The following TUSC3 variants were observed in gnomAD, a reference collection of about 807,000 sequenced individuals.
TUSC3 encodes the protein tumor suppressor candidate 3.
TUSC3 carries 45 observed loss-of-function variants against 44.8 expected under a neutral mutation model. That is an observed-to-expected ratio of 1.00 (90% confidence interval 0.79 to 1.29). The LOEUF is 1.29. Ranked by LOEUF, TUSC3 falls within the 50% of genes most tolerant of loss-of-function variation. The pLI is 0.00. For synonymous variants in TUSC3, 212 were observed against 152.9 expected (o/e 1.39, Z -2.85); for missense variants, 519 against 437.9 (o/e 1.19, Z -1.65).
intron 6 of TUSC3, among the ~76,000 whole-genome samples, chr8:15,708,844 A>G (rs1809723551): frequency 6.6e-6 from 1 of 151,936 alleles, no homozygotes; most frequent in African/African-American, 2.4e-5. Flanking sequence ...TGTAAACTTG[A>G]TGATTCTGAC....
chr8:15,772,412 A>C, the TUSC3 span, among the ~76,000 whole-genome samples: 1 of 151,350 alleles, frequency 6.6e-6, no homozygotes, highest in African/African-American at 2.5e-5. Flanking sequence ...ACCAAAAGTT[A>C]AATAACCTAA....
chr8:15,426,258 A>C (rs1260231166), intron 1 of TUSC3, among the ~76,000 whole-genome samples: 1 of 152,210 alleles, frequency 6.6e-6, no homozygotes, highest in African/African-American at 2.4e-5. Context: ...TGAAAAGAAC[A>C]CCTAACATAA....
chr8:15,584,627 A>G (rs1329935981), intron 1 of TUSC3, among the ~76,000 whole-genome samples: 2 of 152,124 alleles, frequency 1.3e-5, no homozygotes, highest in South Asian at 2.1e-4. Context: ...AATTGAGTCA[A>G]TACAGTTTTG....
intron 1 of TUSC3, among the ~76,000 whole-genome samples, chr8:15,457,836 T>G (rs1432602619): frequency 7.0e-6 from 1 of 143,416 alleles, no homozygotes; most frequent in Non-Finnish European, 1.5e-5. Context: ...TATTAATAAA[T>G]TAGATTAATT....
At chr8:15,550,859 A>G (rs764747928) in intron 1 of TUSC3, among the ~76,000 whole-genome samples, 2 of 151,446 alleles carry the variant, frequency 1.3e-5, no homozygotes, top group African/African-American at 2.4e-5. Flanking sequence ...TTTAGTAGAG[A>G]CGGGGTTTCA....
chr8:15,422,780 C>G (rs541161118), intron 1 of TUSC3, among the ~76,000 whole-genome samples: 3 of 152,044 alleles, frequency 2.0e-5, no homozygotes, highest in Admixed American at 6.6e-5. Flanking sequence ...GTAATTAAGA[C>G]TACAGGCACC....
intron 2 of TUSC3, among the ~76,000 whole-genome samples, chr8:15,528,078 G>A (rs1801399575): frequency 6.6e-6 from 1 of 151,978 alleles, no homozygotes; most frequent in South Asian, 2.1e-4. Context: ...ACTCTTACAG[G>A]AAACCAGCTG....
At chr8:15,783,604 G>T in the TUSC3 span, among the ~76,000 whole-genome samples, 8 of 152,140 alleles carry the variant, frequency 5.3e-5, no homozygotes, top group African/African-American at 1.7e-4. Context: ...TGACAAAAGT[G>T]TCAAGAACAC....
At chr8:15,502,468 A>G (rs1199395959) in intron 2 of TUSC3, among the ~76,000 whole-genome samples, 1 of 151,898 alleles carries the variant, frequency 6.6e-6, no homozygotes, top group African/African-American at 2.4e-5. Flanking sequence ...CATTTCCCGG[A>G]TCCAATATAT....
intron 1 of TUSC3, among the ~76,000 whole-genome samples, chr8:15,565,672 C>T (rs1802639664): frequency 6.6e-6 from 1 of 152,164 alleles, no homozygotes; most frequent in Non-Finnish European, 1.5e-5. Context: ...ATCTGATTCT[C>T]TGTATTAAAT....
At chr8:15,757,997 C>G in intron 10 of TUSC3, 142 bp downstream of exon 10, 2 of 1,457,848 alleles carry the variant, frequency 1.4e-6, no homozygotes, top group Non-Finnish European at 1.8e-6. Flanking sequence ...ATTCCATATT[C>G]CAGTCTTACA....
the TUSC3 span, among the ~76,000 whole-genome samples, chr8:15,819,462 A>C: frequency 6.6e-6 from 1 of 152,096 alleles, no homozygotes; most frequent in Admixed American, 6.6e-5. Context: ...TTCCTAATTT[A>C]TATTTACATC....
the TUSC3 span, among the ~76,000 whole-genome samples, chr8:15,798,011 C>G: frequency 6.6e-6 from 1 of 152,084 alleles, no homozygotes; most frequent in Admixed American, 6.6e-5. Flanking sequence ...CTTCCTTTCC[C>G]TAAGATGCTA....
intron 1 of TUSC3, among the ~76,000 whole-genome samples, chr8:15,451,809 G>A (rs557454252): frequency 6.6e-6 from 1 of 152,200 alleles, no homozygotes; most frequent in East Asian, 1.9e-4. Flanking sequence ...TCTGAGTTGA[G>A]TTAAATGGTA....
At chr8:15,792,817 C>T in the TUSC3 span, among the ~76,000 whole-genome samples, 1 of 151,914 alleles carries the variant, frequency 6.6e-6, no homozygotes, top group Non-Finnish European at 1.5e-5. Context: ...CAGGGTTTTG[C>T]CACGTTGCCC....
At chr8:15,655,254 A>C (rs1470301968) in intron 3 of TUSC3, among the ~76,000 whole-genome samples, 1 of 152,224 alleles carries the variant, frequency 6.6e-6, no homozygotes, top group African/African-American at 2.4e-5. Flanking sequence ...CTAAGATCTT[A>C]GGACTTAAGT....
intron 1 of TUSC3, among the ~76,000 whole-genome samples, chr8:15,474,162 C>G (rs1046571518): frequency 6.6e-6 from 1 of 152,186 alleles, no homozygotes; most frequent in Non-Finnish European, 1.5e-5. Context: ...AAATATGGCT[C>G]TGTTTTGCCC....
chr8:15,759,029 A>C (rs1394445174), intron 10 of TUSC3, among the ~76,000 whole-genome samples: 2 of 152,296 alleles, frequency 1.3e-5, no homozygotes, highest in African/African-American at 4.8e-5. Flanking sequence ...AAAGAATTCT[A>C]GCTAAGGGCC....
intron 1 of TUSC3, among the ~76,000 whole-genome samples, chr8:15,440,048 T>C (rs1017965008): frequency 2.0e-5 from 3 of 152,210 alleles, no homozygotes; most frequent in African/African-American, 7.2e-5. Context: ...CATTTTGAGA[T>C]AGGCTTTCAT....
Sources: gnomAD v4.1 joint callset for allele counts (sites outside exome capture counted in the v4.1 genomes callset) on GRCh38, gnomAD v4.1.1 for gene constraint, MANE v1.5 for transcripts, NCBI Gene and HGNC (gene_info 2026-07-23, HGNC 2026-07-21) for gene names.